Variants in PRCC observed in about 807,000 individuals in gnomAD.
PRCC encodes the protein proline rich mitotic checkpoint control factor.
In PRCC, 10 loss-of-function variants were observed where a neutral mutation model predicts 44.0. The ratio of observed to expected loss-of-function variants is 0.23; its 90% CI spans 0.14 to 0.39. The LOEUF (loss-of-function observed/expected upper bound fraction) is 0.39, where lower values mean the gene tolerates loss of function less well. PRCC is among the 10% of genes least tolerant of loss of function. The pLI, the probability that PRCC is intolerant of heterozygous loss-of-function variation, is 1.00. For synonymous variants in PRCC, 278 were observed against 259.5 expected, an observed-to-expected ratio of 1.07 and a Z score of -0.69; for missense variants, 573 against 624.7, an observed-to-expected ratio of 0.92 and a Z score of 0.88.
chr1:156,777,188 C>T (rs1651858969), intron 1 of PRCC, among the ~76,000 whole-genome samples: 2 of 151,816 alleles, frequency 1.3e-5, no homozygotes, highest in Admixed American at 6.6e-5. Context: ...GTGCTTCATG[C>T]TCTCTCAGCT....
chr1:156,767,990 A>C lies in PRCC; in HGVS notation c.219A>C (p.Gly73=), dbSNP rs1335724848. 1 of 1,569,122 alleles carries C rather than the reference A, an allele frequency of 6.4e-7. No homozygotes were observed. Residue 73 remains glycine, a synonymous_variant, in exon 1 of 7, where the codon GGA becomes GGC. Transcript: ENST00000271526. ...PPPLLLPPPT[G]DPRLQPPPPL... ...CGCTGTTGCTTCCCCCACCCACCGG[A>C]GACCCCAGGCTTCAGCCTCCTCCCC...
intron 5 of PRCC, among the ~76,000 whole-genome samples, chr1:156,795,581 C>T (rs1335885244): frequency 6.6e-6 from 1 of 152,166 alleles, no homozygotes; most frequent in African/African-American, 2.4e-5. Flanking sequence ...CCACTATACC[C>T]GGCCCCGGTT....
At chr1:156,798,558 T>G (rs1165488715) in intron 6 of PRCC, among the ~76,000 whole-genome samples, 1 of 152,148 alleles carries the variant, frequency 6.6e-6, no homozygotes, top group Admixed American at 6.6e-5. Context: ...ATGGGTCTTA[T>G]GGTGTTAAGA....
In PRCC at chr1:156,788,957, C is replaced by T. The variant is rs576052068; in HGVS notation, c.1083+1783C>T. Among the ~76,000 whole-genome samples, 16 of 150,316 alleles carry T rather than the reference C, an allele frequency of 1.1e-4. No individual in the cohort carries two copies. The Middle Eastern group carries it at 0.011, about 103-fold the overall frequency. On this transcript the variant is annotated intron_variant, in intron 3 of 6. Transcript: ENST00000271526. ...CTGGGGTTACAGAGGTGAGCTACCG[C>T]GCCCTGCCTATTTTTTATTTTTTTA...
Position 156,767,980 on chromosome 1 carries a change from C to A in PRCC, c.209C>A (p.Pro70Gln). Residue 70 changes from proline (P) to glutamine (Q), a missense_variant, in exon 1 of 7, where the codon CCA (proline) becomes CAA (glutamine). Coordinates refer to ENST00000271526, the MANE Select transcript of PRCC (RefSeq NM_005973.5). ...TTTCCCCCGCCGCTGTTGCTTCCCC[C>A]ACCCACCGGAGACCCCAGGCTTCAG... ...PAFPPPLLLPPPTGDPRLQPP... is the reference protein window; with the variant it reads ...PAFPPPLLLPQPTGDPRLQPP... The A allele has an allele frequency of 1.3e-6, 2 of 1,580,486 alleles. No individual in the cohort carries two copies. Among genetic ancestry groups the A allele is most frequent in the East Asian group, 2.3e-5 (1 of 43,496 alleles).
At position 156,785,724 on chromosome 1, in the gene PRCC, C is replaced by T. The variant is rs140894075; in HGVS notation, c.517-884C>T. Among the ~76,000 whole-genome samples the T allele has an allele frequency of 7.6e-3, 1,158 of 151,928 alleles. 12 individuals carry two copies. The highest frequency in any genetic ancestry group is 0.026 in the African/African-American group (1,080 of 41,440). ...CTGGACTCACTGCTTCCTTGTTGAA[C>T]GTGCTGGGCCTCCACTCTTTCCTAG... On this transcript the variant is annotated intron_variant, in intron 2 of 6. Coordinates refer to ENST00000271526, the MANE Select transcript of PRCC (RefSeq NM_005973.5).
chr1:156,783,736 A>G (rs1416941784), intron 2 of PRCC, among the ~76,000 whole-genome samples: 1 of 151,942 alleles, frequency 6.6e-6, no homozygotes, highest in East Asian at 1.9e-4. Context: ...ACAGAGGAAG[A>G]CTCAGTCAAA....
chr1:156,771,668 C>G (rs1398637078), intron 1 of PRCC, among the ~76,000 whole-genome samples: 1 of 139,988 alleles, frequency 7.1e-6, no homozygotes, highest in Non-Finnish European at 1.5e-5. Context: ...GAAGCCAACT[C>G]AAGCTAGTTT....
chr1:156,792,832 T>C (rs1215067958), intron 4 of PRCC, among the ~76,000 whole-genome samples: 1 of 152,200 alleles, frequency 6.6e-6, no homozygotes, highest in East Asian at 1.9e-4. Flanking sequence ...GCAAAAATTT[T>C]GGATTCTTTC....
chr1:156,782,844 T>A (rs1652093495), intron 2 of PRCC, among the ~76,000 whole-genome samples: 1 of 152,214 alleles, frequency 6.6e-6, no homozygotes, highest in Non-Finnish European at 1.5e-5. Context: ...CTGAGGAACT[T>A]GCCCAAGATC....
intron 2 of PRCC, among the ~76,000 whole-genome samples, chr1:156,784,381 A>T (rs144599814): frequency 0.013 from 1,980 of 152,278 alleles, 19 homozygotes; most frequent in Non-Finnish European, 0.019. Flanking sequence ...CCCCCACTGT[A>T]AGACTGAAGA....
intron 1 of PRCC, among the ~76,000 whole-genome samples, chr1:156,772,522 A>C (rs1223496635): frequency 6.6e-6 from 1 of 152,108 alleles, no homozygotes; most frequent in African/African-American, 2.4e-5. Flanking sequence ...GGCTCAGGGG[A>C]GGCAGACTTC....
chr1:156,797,278 G>A lies in PRCC; in HGVS notation c.1326G>A (p.Lys442=). Residue 442 remains lysine (K), a splice_region_variant and synonymous_variant, in exon 6 of 7, where the codon AAG becomes AAA. Coordinates refer to ENST00000271526, the MANE Select transcript of PRCC (RefSeq NM_005973.5). ...GAATATGTTTTCTTCTCTTGCAGAAGAAAGGTGAGCAGCCAACAGGCCAGC... is the reference window on the plus strand; with the variant it reads ...GAATATGTTTTCTTCTCTTGCAGAAAAAAGGTGAGCAGCCAACAGGCCAGC... The part of the protein sequence containing the change: ...EEKTMKSFSK[K]KGEQPTGQQR... 6.2e-7 allele frequency: 1 copy of A among 1,614,146 alleles called. No homozygotes were observed. The highest frequency in any genetic ancestry group is 8.5e-7 in the Non-Finnish European group (1 of 1,179,998).
At chr1:156,788,002 A>AT (rs1383170636) in intron 3 of PRCC, among the ~76,000 whole-genome samples, 1 of 151,862 alleles carries the variant, frequency 6.6e-6, no homozygotes, top group Non-Finnish European at 1.5e-5. Flanking sequence ...CGCTAATTTA[A>AT]TTTTTGTATT....
chr1:156,771,863 T>TA (rs1464662960), intron 1 of PRCC, among the ~76,000 whole-genome samples: 1 of 152,128 alleles, frequency 6.6e-6, no homozygotes, highest in African/African-American at 2.4e-5. Context: ...TATACTGTGG[T>TA]ACCTCAGAAG....
At chr1:156,772,124 G>T (rs1651659289) in intron 1 of PRCC, among the ~76,000 whole-genome samples, 1 of 152,164 alleles carries the variant, frequency 6.6e-6, no homozygotes, top group African/African-American at 2.4e-5. Flanking sequence ...CTCCCAAAGT[G>T]CTGGGATTAC....
chr1:156,783,911 T>G (rs953410181), intron 2 of PRCC, among the ~76,000 whole-genome samples: 1 of 151,988 alleles, frequency 6.6e-6, no homozygotes, highest in African/African-American at 2.4e-5. Context: ...GTTAGAAAGA[T>G]AACTGGCAAG....
At chr1:156,780,406 T>A (rs545917382) in intron 1 of PRCC, among the ~76,000 whole-genome samples, 83 of 150,018 alleles carry the variant, frequency 5.5e-4, no homozygotes, top group African/African-American at 1.8e-3. Flanking sequence ...TTATTTTAAA[T>A]TTTTTTTTTA....
intron 3 of PRCC, among the ~76,000 whole-genome samples, chr1:156,788,634 C>T (rs541283860): frequency 6.7e-6 from 1 of 149,456 alleles, no homozygotes; most frequent in East Asian, 2.0e-4. Flanking sequence ...TAAGTGTTCT[C>T]GTTTCTCCAC....
Sources: allele counts gnomAD v4.1 joint callset (sites outside exome capture counted in the v4.1 genomes callset), GRCh38; gene constraint gnomAD v4.1.1; transcripts MANE v1.5; gene names NCBI Gene and HGNC (gene_info 2026-07-23, HGNC 2026-07-21).